MXD1: variants seen among roughly 807,000 people sequenced by gnomAD.
MXD1 encodes the protein MAX-binding protein.
Under a neutral mutation model 25.7 loss-of-function variants are expected in MXD1, and 9 were observed. The observed-to-expected ratio is 0.35, with a 90% CI of 0.21 to 0.61. The LOEUF is 0.61. MXD1 is among the 20% of genes least tolerant of loss of function. MXD1 has a pLI of 0.75. For synonymous variants in MXD1, 99 were observed against 113.9 expected, an observed-to-expected ratio of 0.87 and a Z score of 0.83; for missense variants, 227 against 292.4, an observed-to-expected ratio of 0.78 and a Z score of 1.63.
rs190246454 is a variant in MXD1 at position 69,941,756 on chromosome 2, C to G, written c.*3472C>G. On this transcript the variant is annotated 3_prime_UTR_variant, in exon 6 of 6. Transcript: ENST00000264444. ...GTAGGATTGTGATGCTCAAAATAAC[C>G]ATCTAGCAATATCTTGGAGCTTGAG... 3 of 152,182 alleles carry G rather than the reference C, an allele frequency of 2.0e-5. No homozygotes were observed. Among genetic ancestry groups the G allele is most frequent in the East Asian group, 3.9e-4 (2 of 5,176 alleles). 9.4% of individuals were successfully genotyped at this position (152,182 alleles called of 1,614,324 possible).
At chr2:69,932,012 G>C (rs1677298688) in intron 3 of MXD1, among the ~76,000 whole-genome samples, 1 of 152,154 alleles carries the variant, frequency 6.6e-6, no homozygotes, top group South Asian at 2.1e-4. Context: ...GTGTCGGGTG[G>C]CTTCCTGTTG....
chr2:69,927,914 T>G (rs1677200824), intron 3 of MXD1, among the ~76,000 whole-genome samples: 1 of 152,214 alleles, frequency 6.6e-6, no homozygotes, highest in African/African-American at 2.4e-5. Flanking sequence ...GGCAATTGTT[T>G]ATAAAGGGAT....
chr2:69,915,354 C>T lies in MXD1; in HGVS notation c.24C>T (p.Asn8=). ...GAATGGCGGCGGCGGTTCGGATGAA[C>T]ATCCAGATGCTGCTGGAGGCGGCCG... MAAAVRM[N]IQMLLEAADY... The change falls in exon 1 of 6, where the codon AAC becomes AAT. Residue 8 remains asparagine (N), a synonymous_variant. Coordinates refer to ENST00000264444, the MANE Select transcript of MXD1 (RefSeq NM_002357.4). The surrounding 1 kb of genome is among the most constrained non-coding windows in gnomAD (Gnocchi z 5.8). The T allele has an allele frequency of 7.7e-7, 1 of 1,296,882 alleles. No individual in the cohort carries two copies. Among genetic ancestry groups the T allele is most frequent in the Non-Finnish European group, 9.9e-7 (1 of 1,012,932 alleles). The allele number at this position is 1,296,882 out of a possible 1,614,324, so 80.3% of individuals were successfully genotyped here.
At chr2:69,929,947 T>C (rs1677246612) in intron 3 of MXD1, among the ~76,000 whole-genome samples, 1 of 152,232 alleles carries the variant, frequency 6.6e-6, no homozygotes, top group South Asian at 2.1e-4. Context: ...TACAGCACAT[T>C]CCTCCTCATT....
Position 69,938,273 on chromosome 2 carries a change from C to G in MXD1, c.655C>G (p.Leu219Val). The G allele has an allele frequency of 6.2e-7, 1 of 1,614,114 alleles. No individual in the cohort carries two copies. Among genetic ancestry groups the G allele is most frequent in the Non-Finnish European group, 8.5e-7 (1 of 1,179,968 alleles). Reference sequence around the variant, plus strand: ...GCTGCAGGACAGTCACAAGGCGTGTCTTGGTCTCTAAGAGAGTGGGCACTG... The same window carrying G: ...GCTGCAGGACAGTCACAAGGCGTGTGTTGGTCTCTAAGAGAGTGGGCACTG... ...IKLQDSHKAC[L>V]GL Residue 219 changes from leucine to valine, a missense_variant, in exon 6 of 6, where the codon CTT (leucine) becomes GTT (valine). By Grantham distance (32) the Leu-to-Val change is conservative. Transcript: ENST00000264444.
At position 69,940,976 on chromosome 2, in the gene MXD1, GTTGTT is replaced by G. The variant is rs1677583860; in HGVS notation, c.*2697_*2701del. On this transcript the variant is annotated 3_prime_UTR_variant, in exon 6 of 6. Coordinates refer to ENST00000264444, the MANE Select transcript of MXD1 (RefSeq NM_002357.4). ...ACTGCTAAGAGCTATAGTCTTTTTA[GTTGTT>G]TTGTCTTTTTAAGCAAGATGAAAAC... 1 of 152,506 alleles carries G rather than the reference GTTGTT, an allele frequency of 6.6e-6. No homozygotes were observed. Among genetic ancestry groups the G allele is most frequent in the African/African-American group, 2.4e-5 (1 of 41,384 alleles). 9.4% of individuals were successfully genotyped at this position (152,506 alleles called of 1,614,324 possible).
chr2:69,937,458 G>A, intron 5 of MXD1, 64 bp downstream of exon 5: 1 of 1,273,196 alleles, frequency 7.9e-7, no homozygotes, highest in Non-Finnish European at 1.1e-6. Flanking sequence ...CAGGGGTTCA[G>A]TACTGCGGAC....
At chr2:69,927,151 G>A (rs1305984936) in intron 3 of MXD1, among the ~76,000 whole-genome samples, 1 of 152,162 alleles carries the variant, frequency 6.6e-6, no homozygotes, top group Non-Finnish European at 1.5e-5. Flanking sequence ...GTCTCTTCTG[G>A]AAGAATATTC....
Position 69,921,497 on chromosome 2 carries a change from C to G in MXD1, c.174-239C>G, listed in dbSNP as rs147198806. 1.6e-3 allele frequency among the ~76,000 whole-genome samples: 239 copies of G among 152,264 alleles called. 1 individual carries two copies. The highest frequency in any genetic ancestry group is 2.0e-3 in the Non-Finnish European group (134 of 68,012). On this transcript the variant is annotated intron_variant, in intron 2 of 5. Transcript: ENST00000264444. ...TCTTGTCTTAAAATGGATTATTTTT[C>G]CACTAGAGAAGGCATGCTTCTTGGT... is the stretch of plus-strand genomic sequence containing the variant.
chr2:69,924,061 C>G (rs1055392607), intron 3 of MXD1, among the ~76,000 whole-genome samples: 2 of 152,182 alleles, frequency 1.3e-5, no homozygotes, highest in African/African-American at 4.8e-5. Context: ...TATTTTCTGT[C>G]TATGGTGGCC....
intron 3 of MXD1, among the ~76,000 whole-genome samples, chr2:69,926,702 T>C (rs1288057820): frequency 6.6e-6 from 1 of 152,224 alleles, no homozygotes; most frequent in Non-Finnish European, 1.5e-5. Context: ...TATAAACATA[T>C]TTGAATCTTT....
intron 3 of MXD1, among the ~76,000 whole-genome samples, chr2:69,926,229 C>G (rs1456850597): frequency 6.6e-6 from 1 of 152,072 alleles, no homozygotes; most frequent in East Asian, 1.9e-4. Flanking sequence ...AAGTTGCTAC[C>G]TTTGGTGTAT....
At chr2:69,919,375 C>T (rs1677018396) in intron 2 of MXD1, among the ~76,000 whole-genome samples, 1 of 152,132 alleles carries the variant, frequency 6.6e-6, no homozygotes, top group Admixed American at 6.5e-5. Flanking sequence ...TAGACAGTCT[C>T]GCTCTGTTGC....
rs1313942391 is a variant in MXD1 at position 69,916,198 on chromosome 2, A to G, written c.151A>G (p.Lys51Glu). Residue 51 changes from lysine (K) to glutamate (E), a missense_variant, in exon 2 of 6, where the codon AAA becomes GAA. Transcript: ENST00000264444. ...RDALKRRNKS[K>E]KNNSSSRSTH... ...TGCCTTAAAACGGAGGAACAAATCC[A>G]AAAAGAATAACAGCAGTAGCAGGTA... The G allele has an allele frequency of 6.2e-7, 1 of 1,608,818 alleles. No individual in the cohort carries two copies. The highest frequency in any genetic ancestry group is 8.5e-7 in the Non-Finnish European group (1 of 1,175,446).
At chr2:69,922,524 G>C (rs1214070956) in intron 3 of MXD1, among the ~76,000 whole-genome samples, 1 of 151,978 alleles carries the variant, frequency 6.6e-6, no homozygotes, top group Non-Finnish European at 1.5e-5. Context: ...TATTTTTCTG[G>C]TGAGGGTAGA....
At position 69,939,973 on chromosome 2, in the gene MXD1, T is replaced by C. The variant is rs1677557420; in HGVS notation, c.*1689T>C. The C allele has an allele frequency of 6.6e-6, 1 of 152,228 alleles. No individual in the cohort carries two copies. Among genetic ancestry groups the C allele is most frequent in the Non-Finnish European group, 1.5e-5 (1 of 68,024 alleles). 9.4% of individuals were successfully genotyped at this position (152,228 alleles called of 1,614,324 possible). A position where few individuals can be genotyped will look rare whatever the true frequency, so the allele number is the denominator to read the frequency against. ...CGAAGAGCAGTCTCAGAAAGCAAGA[T>C]TACTTTTGTGTTTTTTAAAAAATGA... On this transcript the variant is annotated 3_prime_UTR_variant, in exon 6 of 6. Transcript: ENST00000264444.
In MXD1 at chr2:69,915,530, C is replaced by T; in HGVS notation, c.73+127C>T. 1 of 678,156 alleles carries T rather than the reference C, an allele frequency of 1.5e-6. No individual in the cohort carries two copies. The highest frequency in any genetic ancestry group is 2.1e-6 in the Non-Finnish European group (1 of 470,632). The allele number at this position is 678,156 out of a possible 1,614,324, so 42.0% of individuals were successfully genotyped here. On this transcript the variant is annotated intron_variant, in intron 1 of 5. Coordinates refer to ENST00000264444, the MANE Select transcript of MXD1 (RefSeq NM_002357.4). This position sits in a 1 kb window ranked among gnomAD's most constrained non-coding sequence, Gnocchi z 5.8. ...GGGGAGACCGCGAGCGCTCCCAACC[C>T]CTCTGGCTCTCCCCACGCGCGGTCC... is the stretch of plus-strand genomic sequence containing the variant.
chr2:69,916,166 A>T lies in MXD1; in HGVS notation c.119A>T (p.Asp40Val), dbSNP rs1350231782. ...YASMLPYNNK[D>V]RDALKRRNKS... ...TCCATGTTACCATACAATAACAAGG[A>T]CAGAGATGCCTTAAAACGGAGGAAC... is the stretch of plus-strand genomic sequence containing the variant. The change falls in exon 2 of 6, where the codon GAC becomes GTC. Residue 40 changes from aspartate (D) to valine (V), a missense_variant. Transcript: ENST00000264444. 2.5e-6 allele frequency: 4 copies of T among 1,613,534 alleles called. No individual in the cohort carries two copies. In the South Asian group the frequency reaches 4.4e-5, roughly 18 times the overall value.
At chr2:69,935,053 G>A (rs1677389319) in intron 3 of MXD1, among the ~76,000 whole-genome samples, 1 of 151,972 alleles carries the variant, frequency 6.6e-6, no homozygotes, top group Non-Finnish European at 1.5e-5. Flanking sequence ...CATGAGTCAG[G>A]GACCATTACT....
Sources: allele counts gnomAD v4.1 joint callset (sites outside exome capture counted in the v4.1 genomes callset), GRCh38; gene constraint gnomAD v4.1.1; non-coding constraint Gnocchi (gnomAD v3.1); transcripts MANE v1.5; gene names NCBI Gene and HGNC (gene_info 2026-07-23, HGNC 2026-07-21).